The following SOX6 variants were observed in gnomAD, a reference collection of about 807,000 sequenced individuals.
The protein encoded by SOX6 is SRY-box transcription factor 6.
A neutral mutation model predicts 97.8 loss-of-function variants in SOX6; 11 were observed. The observed-to-expected ratio is 0.11, with a 90% CI of 0.07 to 0.19. The LOEUF is 0.19. Among genes scored for constraint, SOX6 ranks in the 10% least tolerant of loss-of-function variants. The pLI, the probability that SOX6 is intolerant of heterozygous loss-of-function variation, is 1.00. For missense variants in SOX6, 810 were observed against 1,039.5 expected (o/e 0.78, Z 3.04); for synonymous variants, 360 against 371.4 (o/e 0.97, Z 0.35).
intron 4 of SOX6, among the ~76,000 whole-genome samples, chr11:16,222,296 C>T (rs2118360): frequency 0.12 from 18,147 of 152,078 alleles, 2,120 homozygotes; most frequent in African/African-American, 0.29. Flanking sequence ...CACTGTAGCC[C>T]TGAACCCCTG....
chr11:15,994,787 A>G (rs1051596438), intron 13 of SOX6, among the ~76,000 whole-genome samples: 1 of 152,160 alleles, frequency 6.6e-6, no homozygotes, highest in Non-Finnish European at 1.5e-5. Flanking sequence ...AATTCTGGTA[A>G]TGGCAGAATA....
At chr11:16,701,228 G>C (rs1305362309) in intron 3 of SOX6, among the ~76,000 whole-genome samples, 2 of 152,266 alleles carry the variant, frequency 1.3e-5, no homozygotes, top group South Asian at 4.2e-4. Flanking sequence ...GACTCAGAGA[G>C]ACCTGGATTT....
chr11:16,191,836 A>G (rs557863739), intron 4 of SOX6, among the ~76,000 whole-genome samples: 2 of 151,078 alleles, frequency 1.3e-5, no homozygotes, highest in South Asian at 4.2e-4. Flanking sequence ...AAGACAGTGC[A>G]GCAGGGTTTT....
At chr11:16,437,282 T>A (rs1393931) in intron 1 of SOX6, among the ~76,000 whole-genome samples, 44,649 of 136,556 alleles carry the variant, frequency 0.33, 6,831 homozygotes, top group Admixed American at 0.45. Context: ...TTTTTTTTTT[T>A]AAAAAAAAGG....
intron 6 of SOX6, among the ~76,000 whole-genome samples, chr11:16,165,757 G>T (rs965529602): frequency 2.0e-5 from 3 of 151,916 alleles, no homozygotes; most frequent in Non-Finnish European, 2.9e-5. Context: ...AATTAGCCAG[G>T]CATGGTGGCA....
intron 3 of SOX6, chr11:16,264,513 A>G (rs1319344603): frequency 1.3e-5 from 2 of 151,926 alleles, no homozygotes; most frequent in East Asian, 1.9e-4. Context: ...TGCAATTACA[A>G]ATAATAAGTC....
At chr11:16,256,713 AAAAAT>A (rs1282773389) in intron 3 of SOX6, among the ~76,000 whole-genome samples, 4 of 151,904 alleles carry the variant, frequency 2.6e-5, no homozygotes, top group African/African-American at 9.7e-5. Context: ...AATGCAGTTT[AAAAAT>A]AAAATAAATA....
intron 1 of SOX6, among the ~76,000 whole-genome samples, chr11:16,386,211 T>A (rs1857979995): frequency 6.6e-6 from 1 of 152,042 alleles, no homozygotes; most frequent in Admixed American, 6.6e-5. Flanking sequence ...GGGATAATAA[T>A]GAGAATTGAA....
At chr11:16,321,953 C>T (rs370523394) in intron 2 of SOX6, among the ~76,000 whole-genome samples, 6 of 151,592 alleles carry the variant, frequency 4.0e-5, no homozygotes, top group African/African-American at 9.7e-5. Flanking sequence ...AAAAGGGGCA[C>T]GTAAATTAAT....
intron 3 of SOX6, among the ~76,000 whole-genome samples, chr11:16,306,337 T>C (rs56719438): frequency 0.011 from 1,749 of 152,326 alleles, 32 homozygotes; most frequent in African/African-American, 0.04. Context: ...ATTAGGATTA[T>C]AATTTATTGA....
At chr11:16,538,802 C>T (rs1488812330) in intron 4 of SOX6, among the ~76,000 whole-genome samples, 3 of 152,182 alleles carry the variant, frequency 2.0e-5, no homozygotes, top group Admixed American at 6.5e-5. Context: ...GCATCCAATA[C>T]AGGAGTACCC....
chr11:16,262,891 T>C (rs1333998100), intron 3 of SOX6, among the ~76,000 whole-genome samples: 1 of 152,020 alleles, frequency 6.6e-6, no homozygotes, highest in Non-Finnish European at 1.5e-5. Context: ...TACTATTCTA[T>C]GGCTATGTGA....
chr11:16,516,164 T>G (rs1387364529), intron 4 of SOX6, among the ~76,000 whole-genome samples: 1 of 150,446 alleles, frequency 6.6e-6, no homozygotes, highest in African/African-American at 2.4e-5. Context: ...ATGATATTGA[T>G]TCTTCCTACC....
intron 6 of SOX6, among the ~76,000 whole-genome samples, chr11:16,153,210 G>C (rs944215905): frequency 5.9e-5 from 9 of 151,912 alleles, no homozygotes; most frequent in African/African-American, 2.2e-4. Context: ...GGTTTACCAT[G>C]TTGGCCAGGC....
intron 6 of SOX6, among the ~76,000 whole-genome samples, chr11:16,147,804 G>A (rs1480151299): frequency 6.6e-6 from 1 of 152,150 alleles, no homozygotes; most frequent in Non-Finnish European, 1.5e-5. Flanking sequence ...GATGTTCCAG[G>A]TCAGATTTAA....
At chr11:16,100,258 T>G (rs1217289498) in intron 7 of SOX6, among the ~76,000 whole-genome samples, 2 of 151,838 alleles carry the variant, frequency 1.3e-5, no homozygotes, top group Non-Finnish European at 2.9e-5. Context: ...TTTGAAATGC[T>G]TTCATGAGGA....
At chr11:16,453,743 T>A (rs190140255) in intron 1 of SOX6, among the ~76,000 whole-genome samples, 2 of 152,130 alleles carry the variant, frequency 1.3e-5, no homozygotes, top group African/African-American at 4.8e-5. Context: ...GTCTTATTAG[T>A]TGAGTGAAGT....
At chr11:16,442,898 G>T (rs1449865792) in intron 1 of SOX6, among the ~76,000 whole-genome samples, 1 of 152,008 alleles carries the variant, frequency 6.6e-6, no homozygotes. Flanking sequence ...TTAATTAGTT[G>T]AAATTAAATA....
intron 3 of SOX6, among the ~76,000 whole-genome samples, chr11:16,635,528 G>C (rs1012637422): frequency 6.6e-6 from 1 of 152,176 alleles, no homozygotes; most frequent in Non-Finnish European, 1.5e-5. Context: ...TTAAAGTGTG[G>C]AAAATATGCA....
Sources: gnomAD v4.1 joint callset for allele counts (sites outside exome capture counted in the v4.1 genomes callset) on GRCh38, gnomAD v4.1.1 for gene constraint, MANE v1.5 for transcripts, NCBI Gene and HGNC (gene_info 2026-07-23, HGNC 2026-07-21) for gene names.